DMD: variants seen among roughly 807,000 people sequenced by gnomAD.
DMD encodes mutant dystrophin.
Under a neutral mutation model 330.1 loss-of-function variants are expected in DMD, and 63 were observed. That is an observed-to-expected ratio of 0.19 (90% confidence interval 0.16 to 0.24). DMD has a LOEUF of 0.24. DMD is among the 10% of genes least tolerant of loss of function. The pLI, the probability that DMD is intolerant of heterozygous loss-of-function variation, is 1.00. For synonymous variants in DMD, 1,223 were observed against 959.8 expected (o/e 1.27, Z -5.07); for missense variants, 3,344 against 2,684.1 (o/e 1.25, Z -5.43).
chrX:31,879,087 A>C (rs942525455), intron 47 of DMD, among the ~76,000 whole-genome samples: 1 of 111,054 alleles, frequency 9.0e-6, no homozygotes, highest in Non-Finnish European at 1.9e-5. Flanking sequence ...TGTACCTTTT[A>C]TATTTTGAAC....
chrX:31,353,963 C>T (rs2058547232), intron 60 of DMD, among the ~76,000 whole-genome samples: 1 of 111,874 alleles, frequency 8.9e-6, no homozygotes, highest in African/African-American at 3.2e-5. Flanking sequence ...TGGAAGCATA[C>T]ATCCTGTTTC....
At chrX:31,665,721 G>A (rs1219211588) in intron 53 of DMD, among the ~76,000 whole-genome samples, 1 of 111,976 alleles carries the variant, frequency 8.9e-6, no homozygotes, top group East Asian at 2.8e-4. Context: ...CAAGCTGAGA[G>A]CAGACTAGTA....
At chrX:31,432,718 A>G (rs1015507211) in intron 60 of DMD, among the ~76,000 whole-genome samples, 11 of 112,071 alleles carry the variant, frequency 9.8e-5, no homozygotes, top group Admixed American at 2.8e-4. Context: ...TGAACTATGA[A>G]CTATCATGTG....
intron 43 of DMD, among the ~76,000 whole-genome samples, chrX:32,279,455 A>T (rs187760744): frequency 8.9e-6 from 1 of 111,924 alleles, no homozygotes; most frequent in Admixed American, 9.5e-5. Flanking sequence ...TGTGATACAT[A>T]TACGTAATAG....
chrX:31,859,891 C>G (rs1331161470), intron 48 of DMD, among the ~76,000 whole-genome samples: 1 of 112,093 alleles, frequency 8.9e-6, no homozygotes, highest in Non-Finnish European at 1.9e-5. Flanking sequence ...TTAAAACCTT[C>G]CTCATTTAAC....
chrX:31,723,464 GT>G (rs750096445), intron 52 of DMD, among the ~76,000 whole-genome samples: 2 of 110,987 alleles, frequency 1.8e-5, no homozygotes, highest in South Asian at 7.7e-4. Context: ...TAGATTGACA[GT>G]TTTATATATG....
chrX:32,977,801 A>C (rs1330487820), intron 2 of DMD, among the ~76,000 whole-genome samples: 1 of 111,487 alleles, frequency 9.0e-6, no homozygotes, highest in African/African-American at 3.3e-5. Flanking sequence ...TTGGAACAAG[A>C]CTAGTAGTAG....
At chrX:32,457,811 C>G (rs1338960981) in intron 25 of DMD, among the ~76,000 whole-genome samples, 1 of 110,318 alleles carries the variant, frequency 9.1e-6, no homozygotes, top group Non-Finnish European at 1.9e-5. Flanking sequence ...AGACAATGAT[C>G]TGCAAGCTGG....
chrX:32,816,612 G>A lies in DMD; in HGVS notation c.386C>T (p.Ala129Val). 8.3e-7 allele frequency: 1 copy of A among 1,211,233 alleles called. No individual in the cohort carries two copies. Among genetic ancestry groups the A allele is most frequent in the Non-Finnish European group, 1.1e-6 (1 of 895,205 alleles). Residue 129 changes from alanine to valine, a missense_variant, in exon 6 of 79, where the codon GCT becomes GTT. Coordinates refer to ENST00000357033, the MANE Select transcript of DMD (RefSeq NM_004006.3). The stretch of plus-strand genomic sequence containing the variant: ...TTCACTGTTGGTTTGTTGCAATCCA[G>A]CCATGATATTTTTCATTACATTTTT... ...QVKNVMKNIM[A>V]GLQQTNSEKI...
intron 74 of DMD, among the ~76,000 whole-genome samples, chrX:31,151,117 T>C (rs58801324): frequency 0.1 from 11,172 of 111,534 alleles, 913 homozygotes; most frequent in African/African-American, 0.26. Flanking sequence ...CACACGGGTC[T>C]TCTGGGTGTG....
intron 60 of DMD, among the ~76,000 whole-genome samples, chrX:31,406,675 T>C (rs1004289564): frequency 2.7e-5 from 3 of 111,752 alleles, no homozygotes; most frequent in African/African-American, 9.8e-5. Context: ...AATTCCATTT[T>C]ACAGATGAGG....
intron 48 of DMD, among the ~76,000 whole-genome samples, chrX:31,841,752 A>G (rs2093322431): frequency 8.9e-6 from 1 of 112,431 alleles, no homozygotes; most frequent in South Asian, 3.7e-4. Flanking sequence ...TGGTTTACTT[A>G]CTGAATATTT....
At chrX:32,141,724 C>CACACACACACAT (rs564694131) in intron 44 of DMD, among the ~76,000 whole-genome samples, 2 of 103,372 alleles carry the variant, frequency 1.9e-5, no homozygotes, top group Non-Finnish European at 3.9e-5. Flanking sequence ...CACACACACA[C>CACACACACACAT]GATCTTGCAT....
intron 70 of DMD, 153 bp from the exon 71 acceptor site, chrX:31,178,123 A>T: frequency 1.4e-6 from 1 of 728,871 alleles, no homozygotes; most frequent in Non-Finnish European, 1.6e-6. Context: ...ATTAAAAGAA[A>T]AACACACAGT....
intron 52 of DMD, among the ~76,000 whole-genome samples, chrX:31,727,178 TA>T (rs1261502821): frequency 8.9e-6 from 1 of 112,378 alleles, no homozygotes; most frequent in African/African-American, 3.2e-5. Flanking sequence ...CAGATTTGCA[TA>T]AACCTCACTG....
chrX:33,125,803 G>C (rs998921161), intron 1 of DMD, among the ~76,000 whole-genome samples: 6 of 111,679 alleles, frequency 5.4e-5, no homozygotes, highest in African/African-American at 1.9e-4. Flanking sequence ...TTGATGTATA[G>C]TATAGATTCA....
At chrX:32,464,749 A>C (rs1232096871) in intron 23 of DMD, 50 bp from the exon 24 acceptor site, 2 of 872,958 alleles carry the variant, frequency 2.3e-6, no homozygotes, top group African/African-American at 4.0e-5. Context: ...ATTACTTTTA[A>C]CACAATTCAT....
intron 54 of DMD, among the ~76,000 whole-genome samples, chrX:31,647,883 T>G (rs73455954): frequency 1.8e-5 from 2 of 112,143 alleles, no homozygotes; most frequent in Admixed American, 1.9e-4. Flanking sequence ...CAACTACTGC[T>G]TTGAATGGGG....
At chrX:33,325,836 A>G (rs2054081529) in intron 1 of DMD, among the ~76,000 whole-genome samples, 2 of 111,812 alleles carry the variant, frequency 1.8e-5, no homozygotes, top group African/African-American at 6.5e-5. Context: ...CTTTACCAAT[A>G]TGCCTGAATC....
Sources: allele counts gnomAD v4.1 joint callset (sites outside exome capture counted in the v4.1 genomes callset), GRCh38; gene constraint gnomAD v4.1.1; transcripts MANE v1.5; gene names NCBI Gene and HGNC (gene_info 2026-07-23, HGNC 2026-07-21).